APBA2: variants seen among roughly 807,000 people sequenced by gnomAD.
APBA2 encodes amyloid-beta A4 precursor protein-binding family A member 2.
In APBA2, 30 loss-of-function variants were observed where a neutral mutation model predicts 75.0. The ratio of observed to expected loss-of-function variants is 0.40; its 90% CI spans 0.30 to 0.54. APBA2 has a LOEUF of 0.54. Ranked by LOEUF, APBA2 falls within the 20% of genes least tolerant of loss-of-function variation. The pLI, the probability that APBA2 is intolerant of heterozygous loss-of-function variation, is 0.49. For synonymous variants in APBA2, 444 were observed against 409.6 expected (o/e 1.08, Z -1.01); for missense variants, 801 against 1,016.1 (o/e 0.79, Z 2.88).
intron 6 of APBA2, among the ~76,000 whole-genome samples, chr15:29,087,135 T>A (rs2043323790): frequency 6.6e-6 from 1 of 152,216 alleles, no homozygotes. Flanking sequence ...TCTGCAGAAC[T>A]CCACTGTGTG....
intron 2 of APBA2, among the ~76,000 whole-genome samples, chr15:28,984,576 G>A (rs1217630025): frequency 6.6e-6 from 1 of 151,952 alleles, no homozygotes; most frequent in Non-Finnish European, 1.5e-5. Context: ...GTGGAGGGGC[G>A]CGCTGTGGTT....
Position 29,117,945 on chromosome 15 carries a change from C to A in APBA2, c.*812C>A, listed in dbSNP as rs915519886. The stretch of plus-strand genomic sequence containing the variant: ...AAATCGATCTACACACATCCACGCA[C>A]ATGCGACCCCGAGGAAACGAAACCC... On this transcript the variant is annotated 3_prime_UTR_variant, in exon 15 of 15. Transcript: ENST00000683413. 1 of 152,206 alleles carries A rather than the reference C, an allele frequency of 6.6e-6. No homozygotes were observed. Among genetic ancestry groups the A allele is most frequent in the Non-Finnish European group, 1.5e-5 (1 of 68,064 alleles). The allele number at this position is 152,206 out of a possible 1,614,324, so 9.4% of individuals were successfully genotyped here. A position where few individuals can be genotyped will look rare whatever the true frequency, so the allele number is the denominator to read the frequency against.
At chr15:28,951,830 C>T (rs1165523124) in intron 2 of APBA2, among the ~76,000 whole-genome samples, 2 of 151,244 alleles carry the variant, frequency 1.3e-5, no homozygotes, top group African/African-American at 4.9e-5. Flanking sequence ...ATCCATCCGC[C>T]TTGGCCTCCC....
rs886138758 is a variant in APBA2 at position 28,981,261 on chromosome 15, C to A, written c.-94-14492C>A. ...GAGAAAATACAAACTATGCATCCAACAAAAGTCTAATATCACAACTCTACA... is the reference window on the plus strand; with the variant it reads ...GAGAAAATACAAACTATGCATCCAAAAAAAGTCTAATATCACAACTCTACA... On this transcript the variant is annotated intron_variant, in intron 2 of 14. Coordinates refer to ENST00000683413, the MANE Select transcript of APBA2 (RefSeq NM_001353788.2). 4.6e-5 allele frequency among the ~76,000 whole-genome samples: 7 copies of A among 152,110 alleles called. No individual in the cohort carries two copies. The East Asian group carries it at 1.4e-3, about 29-fold the overall frequency.
At chr15:28,907,553 A>G (rs1197522926) in intron 1 of APBA2, among the ~76,000 whole-genome samples, 1 of 152,170 alleles carries the variant, frequency 6.6e-6, no homozygotes, top group African/African-American at 2.4e-5. Context: ...GTTGGCCAGG[A>G]TGTGGAAGGA....
At position 29,043,533 on chromosome 15, in the gene APBA2, C is replaced by T. The variant is rs577209512; in HGVS notation, c.-40-10312C>T. On this transcript the variant is annotated intron_variant, in intron 3 of 14. Transcript: ENST00000683413. The stretch of plus-strand genomic sequence containing the variant: ...AGGAAGGAAATAGGTACCATTGTCC[C>T]ATCACTCGAAGGCAGCCCTTGCTAA... Among the ~76,000 whole-genome samples the T allele has an allele frequency of 2.0e-5, 3 of 152,330 alleles. No homozygotes were observed. In the East Asian group the frequency reaches 5.8e-4, roughly 29 times the overall value.
At chr15:29,114,680 G>A (rs1372569243) in intron 14 of APBA2, among the ~76,000 whole-genome samples, 1 of 151,496 alleles carries the variant, frequency 6.6e-6, no homozygotes, top group East Asian at 1.9e-4. Flanking sequence ...GGTAAGTGTG[G>A]GTAGGTGTGG....
At chr15:28,989,428 G>C (rs1229341163) in intron 2 of APBA2, among the ~76,000 whole-genome samples, 4 of 152,202 alleles carry the variant, frequency 2.6e-5, no homozygotes, top group African/African-American at 9.6e-5. Flanking sequence ...GTAAGCACAA[G>C]ATAGACTAAT....
At chr15:29,007,451 A>G (rs1269622043) in intron 3 of APBA2, among the ~76,000 whole-genome samples, 1 of 152,206 alleles carries the variant, frequency 6.6e-6, no homozygotes, top group East Asian at 1.9e-4. Context: ...AACCCAAGGA[A>G]TGGACGGAAA....
At chr15:28,989,390 A>G (rs1262703289) in intron 2 of APBA2, among the ~76,000 whole-genome samples, 1 of 152,156 alleles carries the variant, frequency 6.6e-6, no homozygotes, top group East Asian at 1.9e-4. Context: ...GCAGGTTCGT[A>G]TCTGTGAATC....
chr15:28,937,167 C>T (rs996145848), intron 2 of APBA2, among the ~76,000 whole-genome samples: 18 of 151,974 alleles, frequency 1.2e-4, no homozygotes, highest in African/African-American at 2.2e-4. Context: ...CCCTCTATAC[C>T]GGGGACAGTG....
rs141259161 is a variant in APBA2, at chr15:29,105,460, G to A, written c.1606G>A (p.Glu536Lys). ...EFLRANGINP[E>K]DLSQKEYSDI... ...CCTGCGAGCCAATGGCATCAACCCC[G>A]AAGACTTGAGCCAGAAGGAATACAG... Residue 536 changes from glutamate to lysine, a missense_variant, in exon 11 of 15, where the codon GAA becomes AAA. Transcript: ENST00000683413. The A allele has an allele frequency of 1.2e-6, 2 of 1,613,850 alleles. No individual in the cohort carries two copies. Among genetic ancestry groups the A allele is most frequent in the Middle Eastern group, 1.6e-4 (1 of 6,062 alleles).
chr15:28,890,216 G>A (rs1595386764), intron 1 of APBA2, among the ~76,000 whole-genome samples: 1 of 152,316 alleles, frequency 6.6e-6, no homozygotes, highest in Admixed American at 6.5e-5. Context: ...ACAGTGCAAC[G>A]TCAGTTTCAC....
chr15:28,960,435 T>A (rs1384592460), intron 2 of APBA2, among the ~76,000 whole-genome samples: 1 of 150,022 alleles, frequency 6.7e-6, no homozygotes, highest in Non-Finnish European at 1.5e-5. Flanking sequence ...TGTATTCCAG[T>A]CTGGGTGATA....
chr15:28,981,733 G>A (rs537620180), intron 2 of APBA2, among the ~76,000 whole-genome samples: 1 of 152,214 alleles, frequency 6.6e-6, no homozygotes, highest in East Asian at 1.9e-4. Flanking sequence ...GTATTCACAA[G>A]GGCAAAGACA....
chr15:29,063,661 A>T (rs1381275328), intron 4 of APBA2, among the ~76,000 whole-genome samples: 2 of 145,132 alleles, frequency 1.4e-5, no homozygotes, highest in Admixed American at 1.4e-4. Context: ...AGGGGAGTTG[A>T]TCTGGGTCAG....
At chr15:29,070,894 T>C (rs1482136200) in intron 4 of APBA2, 1 of 330,140 alleles carries the variant, frequency 3.0e-6, no homozygotes, top group East Asian at 8.6e-5. Flanking sequence ...CAGAGAAGAT[T>C]GTCATCTAAC....
At position 28,908,315 on chromosome 15, in the gene APBA2, G is replaced by GTTTTTTTTTTTTTTTTTTT. The variant is rs765084356; in HGVS notation, c.-204-13312_-204-13311insTTTTTTTTTTTTTTTTTTT. On this transcript the variant is annotated intron_variant, in intron 1 of 14. Coordinates refer to ENST00000683413, the MANE Select transcript of APBA2 (RefSeq NM_001353788.2). ...TTGTTTTTGTTTGTTTTGTTTTCTTGTTTTTTTTTTTTTGAGACAGAGTCT... is the reference window on the plus strand; with the variant it reads ...TTGTTTTTGTTTGTTTTGTTTTCTTGTTTTTTTTTTTTTTTTTTTTTTTTTTTTTTTTGAGACAGAGTCT... Among the ~76,000 whole-genome samples the GTTTTTTTTTTTTTTTTTTT allele has an allele frequency of 1.1e-3, 158 of 137,544 alleles. 18 individuals carry two copies. The highest frequency in any genetic ancestry group is 4.6e-3 in the African/African-American group (152 of 33,142). The allele number at this position is 137,544 out of a possible 152,430, so 90.2% of individuals were successfully genotyped here.
chr15:29,114,589 TGTG>T (rs915008107), intron 14 of APBA2, among the ~76,000 whole-genome samples: 1 of 151,754 alleles, frequency 6.6e-6, no homozygotes, highest in African/African-American at 2.4e-5. Flanking sequence ...TGTGTGTGTG[TGTG>T]TAGTGTGAGC....
Sources: allele counts gnomAD v4.1 joint callset (sites outside exome capture counted in the v4.1 genomes callset), GRCh38; gene constraint gnomAD v4.1.1; transcripts MANE v1.5; gene names NCBI Gene and HGNC (gene_info 2026-07-23, HGNC 2026-07-21).